ASTN2: variants seen among roughly 807,000 people sequenced by gnomAD.
ASTN2 encodes astrotactin 2.
In ASTN2, 54 loss-of-function variants were observed where a neutral mutation model predicts 139.8. That is an observed-to-expected ratio of 0.39 (90% CI 0.31 to 0.48). The LOEUF is 0.48. ASTN2 is among the 20% of genes least tolerant of loss of function. ASTN2 has a pLI of 0.95. For synonymous variants in ASTN2, 756 were observed against 719.5 expected (o/e 1.05, Z -0.81); for missense variants, 1,565 against 1,725.1 (o/e 0.91, Z 1.64).
rs1554768341 is a variant in ASTN2 at position 117,003,530 on chromosome 9, G to GGTGTGTGTGTGTGTGTTT, written c.1591+4561_1591+4562insAAACACACACACACACAC. Reference sequence around the variant, plus strand: ...AGTGATATTTCCAGCTCTAAAGAGTGGTGTGTGTGTGTGTGTGTGTGTGTA... The same window carrying GGTGTGTGTGTGTGTGTTT: ...AGTGATATTTCCAGCTCTAAAGAGTGGTGTGTGTGTGTGTGTTTGTGTGTGTGTGTGTGTGTGTGTGTA... On this transcript the variant is annotated intron_variant, in intron 7 of 22. Transcript: ENST00000313400. 1.5e-4 allele frequency among the ~76,000 whole-genome samples: 15 copies of GGTGTGTGTGTGTGTGTTT among 103,188 alleles called. 1 individual carries two copies. The highest frequency in any genetic ancestry group is 2.2e-4 in the Non-Finnish European group (11 of 50,054). 67.7% of individuals were successfully genotyped at this position (103,188 alleles called of 152,430 possible).
At chr9:116,446,669 A>G (rs1425985098) in intron 20 of ASTN2, among the ~76,000 whole-genome samples, 4 of 152,160 alleles carry the variant, frequency 2.6e-5, no homozygotes, top group Non-Finnish European at 4.4e-5. Context: ...TGAGCTATAC[A>G]GGAACCTGGA....
intron 18 of ASTN2, 121 bp downstream of exon 18, chr9:116,620,189 G>T: frequency 7.1e-7 from 1 of 1,404,236 alleles, no homozygotes; most frequent in Non-Finnish European, 9.8e-7. Context: ...AGATTCCAGG[G>T]TCTTTGAGGA....
intron 11 of ASTN2, among the ~76,000 whole-genome samples, chr9:116,842,557 C>A (rs546908371): frequency 6.6e-6 from 1 of 152,008 alleles, no homozygotes. Context: ...GTCCCCCACC[C>A]CTCTTGCCAC....
chr9:117,321,333 T>C (rs1009071266), intron 1 of ASTN2, among the ~76,000 whole-genome samples: 1 of 152,192 alleles, frequency 6.6e-6, no homozygotes, highest in Non-Finnish European at 1.5e-5. Flanking sequence ...ACCATAAATC[T>C]TTCTGGCTGC....
intron 19 of ASTN2, among the ~76,000 whole-genome samples, chr9:116,516,264 G>T (rs1312686495): frequency 1.3e-5 from 2 of 152,116 alleles, no homozygotes; most frequent in Admixed American, 1.3e-4. Context: ...TCAGGATATA[G>T]GTACAATGAT....
At chr9:116,942,476 C>A (rs1485025487) in intron 10 of ASTN2, among the ~76,000 whole-genome samples, 2 of 152,246 alleles carry the variant, frequency 1.3e-5, no homozygotes, top group East Asian at 3.9e-4. Flanking sequence ...TGAGATAGCC[C>A]TCTGTAGGAT....
At chr9:117,205,567 T>C (rs1249261137) in intron 3 of ASTN2, among the ~76,000 whole-genome samples, 2 of 151,690 alleles carry the variant, frequency 1.3e-5, no homozygotes, top group African/African-American at 2.4e-5. Flanking sequence ...GTTTCTAGGA[T>C]TGAAAAAAAA....
intron 2 of ASTN2, among the ~76,000 whole-genome samples, chr9:117,273,106 T>A (rs1834103909): frequency 6.6e-6 from 1 of 152,206 alleles, no homozygotes; most frequent in Admixed American, 6.5e-5. Context: ...TGGCTGGGGA[T>A]GTCTCTTAAT....
rs10121444 is a variant in ASTN2, at chr9:117,275,766, A to C, written c.630+15560T>G. ...TTTTTAGTAGAGACAGGGTTTCGCC[A>C]TGTTGACCAGGCTGTTCTCACTCGA... On this transcript the variant is annotated intron_variant, in intron 2 of 22. Transcript: ENST00000313400. Among the ~76,000 whole-genome samples the C allele has an allele frequency of 7.7e-3, 1,168 of 152,094 alleles. 15 individuals carry two copies. Among genetic ancestry groups the C allele is most frequent in the African/African-American group, 0.026 (1,087 of 41,496 alleles).
intron 19 of ASTN2, among the ~76,000 whole-genome samples, chr9:116,505,764 G>A (rs777250359): frequency 6.6e-6 from 1 of 152,070 alleles, no homozygotes; most frequent in Non-Finnish European, 1.5e-5. Context: ...CAGCTAGAGC[G>A]CCTTCCCTCT....
chr9:117,391,881 T>C (rs1221956704), intron 1 of ASTN2, among the ~76,000 whole-genome samples: 3 of 151,946 alleles, frequency 2.0e-5, no homozygotes, highest in Non-Finnish European at 4.4e-5. Flanking sequence ...ATGGGAGAAA[T>C]TGGCCAAAAC....
chr9:116,899,674 A>T (rs1338763835), intron 10 of ASTN2, among the ~76,000 whole-genome samples: 2 of 152,194 alleles, frequency 1.3e-5, no homozygotes, highest in Non-Finnish European at 1.5e-5. Context: ...AGATAATAAC[A>T]GCTCCTTCCT....
At chr9:117,271,264 A>G (rs1834056848) in intron 2 of ASTN2, among the ~76,000 whole-genome samples, 1 of 152,030 alleles carries the variant, frequency 6.6e-6, no homozygotes, top group South Asian at 2.1e-4. Flanking sequence ...AAAAGCAGAA[A>G]CCCCAATAAA....
intron 5 of ASTN2, among the ~76,000 whole-genome samples, chr9:117,075,936 A>C (rs1828269655): frequency 6.6e-6 from 1 of 152,176 alleles, no homozygotes; most frequent in Non-Finnish European, 1.5e-5. Context: ...AGGTTCCTCC[A>C]GTCTCCTGAA....
intron 5 of ASTN2, among the ~76,000 whole-genome samples, chr9:117,048,897 C>T (rs560084252): frequency 1.1e-4 from 16 of 151,632 alleles, no homozygotes; most frequent in Non-Finnish European, 1.9e-4. Flanking sequence ...AGTGTGCAGC[C>T]TAAGTCCCAC....
At chr9:117,326,534 C>T (rs1828524802) in intron 1 of ASTN2, among the ~76,000 whole-genome samples, 2 of 152,140 alleles carry the variant, frequency 1.3e-5, no homozygotes, top group Admixed American at 1.3e-4. Flanking sequence ...AACATCATTT[C>T]CCATGGTAGT....
intron 10 of ASTN2, among the ~76,000 whole-genome samples, chr9:116,927,212 T>A (rs970303200): frequency 6.6e-6 from 1 of 152,034 alleles, no homozygotes; most frequent in Non-Finnish European, 1.5e-5. Context: ...ATTGGGGTGG[T>A]CTCCACCACC....
intron 10 of ASTN2, among the ~76,000 whole-genome samples, chr9:116,865,154 C>A (rs1832983322): frequency 6.6e-6 from 1 of 151,854 alleles, no homozygotes; most frequent in South Asian, 2.1e-4. Context: ...ATTGCCAAGC[C>A]CTCTTGGGAG....
chr9:116,839,889 T>A (rs77006173), intron 11 of ASTN2, among the ~76,000 whole-genome samples: 33,009 of 140,796 alleles, frequency 0.23, 4,713 homozygotes, highest in East Asian at 0.48. Flanking sequence ...TTATTTTTTT[T>A]TTTTTAATTG....
Sources: gnomAD v4.1 joint callset for allele counts (sites outside exome capture counted in the v4.1 genomes callset) on GRCh38, gnomAD v4.1.1 for gene constraint, MANE v1.5 for transcripts, NCBI Gene and HGNC (gene_info 2026-07-23, HGNC 2026-07-21) for gene names.